NCKAP5: variants seen among roughly 807,000 people sequenced by gnomAD.
NCKAP5 encodes the protein nck-associated protein 5.
Under a neutral mutation model 167.0 loss-of-function variants are expected in NCKAP5, and 92 were observed. The observed-to-expected ratio is 0.55, with a 90% confidence interval of 0.47 to 0.66. The LOEUF (loss-of-function observed/expected upper bound fraction) is 0.66, where lower values mean the gene tolerates loss of function less well. Ranked by LOEUF, NCKAP5 falls within the 30% of genes least tolerant of loss-of-function variation. The pLI, the probability that NCKAP5 is intolerant of heterozygous loss-of-function variation, is 0.00. For synonymous variants in NCKAP5, 891 were observed against 877.4 expected (o/e 1.02, Z -0.27); for missense variants, 2,378 against 2,315.0 (o/e 1.03, Z -0.56).
chr2:132,914,511 C>T (rs1694710176), intron 8 of NCKAP5, among the ~76,000 whole-genome samples: 2 of 151,970 alleles, frequency 1.3e-5, no homozygotes, highest in South Asian at 4.2e-4. Flanking sequence ...TCTTTGGCCC[C>T]CTTTCACAAA....
At chr2:132,770,119 A>C (rs375636543) in intron 16 of NCKAP5, among the ~76,000 whole-genome samples, 1 of 152,070 alleles carries the variant, frequency 6.6e-6, no homozygotes, top group Non-Finnish European at 1.5e-5. Context: ...CTCCAACCCA[A>C]ATTTGCTCAA....
At chr2:133,228,211 T>C (rs1161112789) in intron 4 of NCKAP5, among the ~76,000 whole-genome samples, 1 of 152,170 alleles carries the variant, frequency 6.6e-6, no homozygotes, top group Non-Finnish European at 1.5e-5. Context: ...AAATAATTGT[T>C]AGAGTCTACC....
intron 4 of NCKAP5, among the ~76,000 whole-genome samples, chr2:133,255,496 G>A (rs992813074): frequency 6.6e-6 from 1 of 151,562 alleles, no homozygotes; most frequent in Non-Finnish European, 1.5e-5. Flanking sequence ...TTGGGGGGAG[G>A]GGTGTAAGTG....
chr2:133,579,763 G>GAC, the NCKAP5 span, among the ~76,000 whole-genome samples: 2 of 152,130 alleles, frequency 1.3e-5, no homozygotes, highest in African/African-American at 4.8e-5. Context: ...ATATTTCGAT[G>GAC]ACATTCCTTT....
intron 6 of NCKAP5, among the ~76,000 whole-genome samples, chr2:133,071,399 C>T (rs1025748024): frequency 7.9e-5 from 12 of 152,082 alleles, no homozygotes; most frequent in African/African-American, 2.9e-4. Context: ...GAGCCGAGAT[C>T]CCGCCACTGC....
intron 16 of NCKAP5, among the ~76,000 whole-genome samples, chr2:132,767,417 T>C (rs1681601244): frequency 6.6e-6 from 1 of 152,148 alleles, no homozygotes; most frequent in Non-Finnish European, 1.5e-5. Flanking sequence ...TGGCTAATTT[T>C]GTATTTTTAG....
chr2:132,822,187 T>C lies in NCKAP5; in HGVS notation c.808-25458A>G, dbSNP rs531640428. 7.0e-4 allele frequency among the ~76,000 whole-genome samples: 107 copies of C among 152,282 alleles called. 1 individual carries two copies. The highest frequency in any genetic ancestry group is 2.4e-3 in the African/African-American group (98 of 41,570). On this transcript the variant is annotated intron_variant, in intron 11 of 19. Transcript: ENST00000409261. ...CTTGATTCCACTGCCTGCAACACCT[T>C]GGCTAACCAGAGGTCCTGAGGGTGT... is the stretch of plus-strand genomic sequence containing the variant.
intron 3 of NCKAP5, among the ~76,000 whole-genome samples, chr2:133,358,936 A>G (rs759129041): frequency 2.6e-5 from 4 of 152,266 alleles, no homozygotes; most frequent in African/African-American, 4.8e-5. Flanking sequence ...AGTAGTAACT[A>G]AACTTGACAC....
intron 6 of NCKAP5, among the ~76,000 whole-genome samples, chr2:133,032,893 C>T (rs113078668): frequency 1.2e-4 from 18 of 152,098 alleles, no homozygotes; most frequent in African/African-American, 3.6e-4. Context: ...ACAGAGCAAG[C>T]GAAGGGGGAA....
chr2:133,590,622 G>A, the NCKAP5 span, among the ~76,000 whole-genome samples: 1 of 151,470 alleles, frequency 6.6e-6, no homozygotes, highest in African/African-American at 2.4e-5. Flanking sequence ...ACAAAACCCA[G>A]CAAAAGAAAA....
intron 9 of NCKAP5, among the ~76,000 whole-genome samples, chr2:132,869,968 C>A (rs555290726): frequency 1.4e-4 from 21 of 152,152 alleles, no homozygotes; most frequent in Non-Finnish European, 2.5e-4. Flanking sequence ...TCAGGGATCT[C>A]ATTTTCTTCA....
At chr2:133,288,701 A>G (rs1344727) in intron 4 of NCKAP5, among the ~76,000 whole-genome samples, 22,934 of 151,990 alleles carry the variant, frequency 0.15, 1,715 homozygotes, top group African/African-American at 0.17. Flanking sequence ...CCCTGGGTCC[A>G]CCAGCATGCT....
chr2:133,376,753 C>G (rs1686173828), intron 3 of NCKAP5, among the ~76,000 whole-genome samples: 1 of 152,198 alleles, frequency 6.6e-6, no homozygotes, highest in African/African-American at 2.4e-5. Context: ...CATTTCCCAT[C>G]TTGATCACAC....
At chr2:133,152,694 T>C (rs1008101376) in intron 5 of NCKAP5, among the ~76,000 whole-genome samples, 2 of 152,232 alleles carry the variant, frequency 1.3e-5, no homozygotes, top group Non-Finnish European at 2.9e-5. Context: ...GAAAAGGCTA[T>C]ATACTGTATG....
At chr2:133,063,936 A>G (rs2080099461) in intron 6 of NCKAP5, among the ~76,000 whole-genome samples, 1 of 152,220 alleles carries the variant, frequency 6.6e-6, no homozygotes, top group South Asian at 2.1e-4. Context: ...GAGACTAGAA[A>G]GATCTAGTGA....
chr2:132,914,519 A>C (rs967648600), intron 8 of NCKAP5, among the ~76,000 whole-genome samples: 4 of 152,020 alleles, frequency 2.6e-5, no homozygotes, highest in African/African-American at 9.7e-5. Flanking sequence ...CCCCTTTCAC[A>C]AATAGTCTCA....
intron 9 of NCKAP5, among the ~76,000 whole-genome samples, chr2:132,873,462 G>T (rs1465693914): frequency 6.6e-6 from 1 of 152,024 alleles, no homozygotes; most frequent in Non-Finnish European, 1.5e-5. Flanking sequence ...AGGCGTGAGG[G>T]GTATGTATAT....
intron 19 of NCKAP5, among the ~76,000 whole-genome samples, chr2:132,681,141 G>A (rs1685171552): frequency 6.6e-6 from 1 of 151,986 alleles, no homozygotes; most frequent in South Asian, 2.1e-4. Flanking sequence ...TTTTCTTCTA[G>A]CACAGTAATA....
At chr2:133,166,592 C>T (rs1278994104) in intron 5 of NCKAP5, among the ~76,000 whole-genome samples, 3 of 152,132 alleles carry the variant, frequency 2.0e-5, no homozygotes, top group South Asian at 2.1e-4. Flanking sequence ...TAAATTTAAA[C>T]ACATATACAC....
Sources: gnomAD v4.1 joint callset for allele counts (sites outside exome capture counted in the v4.1 genomes callset) on GRCh38, gnomAD v4.1.1 for gene constraint, MANE v1.5 for transcripts, NCBI Gene and HGNC (gene_info 2026-07-23, HGNC 2026-07-21) for gene names.